The following EPHA8 variants were observed in gnomAD, a reference collection of about 807,000 sequenced individuals.
EPHA8 encodes ephrin type-A receptor 8.
Under a neutral mutation model 103.6 loss-of-function variants are expected in EPHA8, and 58 were observed. The ratio of observed to expected loss-of-function variants is 0.56; its 90% CI spans 0.45 to 0.70. The LOEUF is 0.70. EPHA8 is among the 30% of genes least tolerant of loss of function. The pLI is 0.00. For synonymous variants in EPHA8, 559 were observed against 572.5 expected (o/e 0.98, Z 0.34); for missense variants, 1,304 against 1,395.2 (o/e 0.93, Z 1.04).
rs199987810 is a variant in EPHA8 at position 22,576,517 on chromosome 1, T to C, written c.460T>C (p.Phe154Leu). ...CGACACCATTGCGGCCGACGAGAGCTTCACAGGTGCCGACCTTGGTGTGCG... is the reference window on the plus strand; with the variant it reads ...CGACACCATTGCGGCCGACGAGAGCCTCACAGGTGCCGACCTTGGTGTGCG... The part of the protein sequence containing the change: ...KIDTIAADES[F>L]TGADLGVRRL... Residue 154 changes from phenylalanine (F) to leucine (L), a missense_variant, in exon 3 of 17, where the codon TTC becomes CTC. Phe to Leu is a conservative substitution (Grantham distance 22). Coordinates refer to ENST00000166244, the MANE Select transcript of EPHA8 (RefSeq NM_020526.5). This position sits in a 1 kb window ranked among gnomAD's most constrained non-coding sequence, Gnocchi z 4.8. 15 of 1,614,128 alleles carry C rather than the reference T, an allele frequency of 9.3e-6. No homozygotes were observed. The Admixed American group carries it at 1.5e-4, about 16-fold the overall frequency.
intron 2 of EPHA8, among the ~76,000 whole-genome samples, chr1:22,573,749 A>C (rs1640607219): frequency 6.6e-6 from 1 of 152,190 alleles, no homozygotes; most frequent in African/African-American, 2.4e-5. Context: ...GCCAGTGCTC[A>C]GCAGCCGAGG....
intron 3 of EPHA8, among the ~76,000 whole-genome samples, chr1:22,585,496 C>G (rs1302300715): frequency 6.6e-6 from 1 of 152,200 alleles, no homozygotes; most frequent in South Asian, 2.1e-4. Context: ...TTTACCCTTC[C>G]ATCACCTTAG....
chr1:22,601,883 C>A lies in EPHA8; in HGVS notation c.*142C>A. 1 of 850,348 alleles carries A rather than the reference C, an allele frequency of 1.2e-6. No individual in the cohort carries two copies. The highest frequency in any genetic ancestry group is 1.8e-6 in the Non-Finnish European group (1 of 549,286). 52.7% of individuals were successfully genotyped at this position (850,348 alleles called of 1,614,324 possible). A position where few individuals can be genotyped will look rare whatever the true frequency, so the allele number is the denominator to read the frequency against. ...GTGCTGGAGGAGCTGAAGGCTTCGC[C>A]ACAGGACCTGGAGTTATCAGGGGTC... On this transcript the variant is annotated 3_prime_UTR_variant, in exon 17 of 17. Coordinates refer to ENST00000166244, the MANE Select transcript of EPHA8 (RefSeq NM_020526.5).
At chr1:22,591,637 A>T (rs1323660863) in intron 5 of EPHA8, among the ~76,000 whole-genome samples, 1 of 152,108 alleles carries the variant, frequency 6.6e-6, no homozygotes, top group Non-Finnish European at 1.5e-5. Flanking sequence ...CTGTGGACCC[A>T]CACAGCTTCA....
At position 22,593,573 on chromosome 1, in the gene EPHA8, C is replaced by T; in HGVS notation, c.1490C>T (p.Ala497Val). The change falls in exon 7 of 17, where the codon GCC (alanine) becomes GTC (valine). Residue 497 changes from alanine (A) to valine (V), a missense_variant. By Grantham distance (64) the Ala-to-Val change is moderately conservative. Coordinates refer to ENST00000166244, the MANE Select transcript of EPHA8 (RefSeq NM_020526.5). Reference protein sequence around the residue: ...YSTLKAVTTRATVSGLKPGTR... With the variant: ...YSTLKAVTTRVTVSGLKPGTR... Reference sequence around the variant, plus strand: ...ACCCTCAAGGCCGTCACCACCAGAGCCACCGTCTCCGGCCTCAAGCCGGGC... The same window carrying T: ...ACCCTCAAGGCCGTCACCACCAGAGTCACCGTCTCCGGCCTCAAGCCGGGC... 1 of 1,612,386 alleles carries T rather than the reference C, an allele frequency of 6.2e-7. No individual in the cohort carries two copies. Among genetic ancestry groups the T allele is most frequent in the Non-Finnish European group, 8.5e-7 (1 of 1,179,742 alleles).
chr1:22,600,961 C>T lies in EPHA8; in HGVS notation c.2602C>T (p.His868Tyr), dbSNP rs751041267. 1.2e-6 allele frequency: 2 copies of T among 1,612,890 alleles called. No individual in the cohort carries two copies. Among genetic ancestry groups the T allele is most frequent in the Admixed American group, 1.7e-5 (1 of 59,976 alleles). The change falls in exon 15 of 17, where the codon CAC becomes TAC. Residue 868 changes from histidine to tyrosine, a missense_variant. Coordinates refer to ENST00000166244, the MANE Select transcript of EPHA8 (RefSeq NM_020526.5). ...PAPMGCPHAL[H>Y]QLMLDCWHKD... is the part of the protein sequence containing the mutation. ...ACCCATGGGCTGCCCCCACGCCCTG[C>T]ACCAGCTCATGCTCGACTGTTGGCA...
At chr1:22,579,868 A>G (rs1278422708) in intron 3 of EPHA8, among the ~76,000 whole-genome samples, 1 of 152,176 alleles carries the variant, frequency 6.6e-6, no homozygotes, top group African/African-American at 2.4e-5. Flanking sequence ...GCTACTATAC[A>G]GGCCCTGGGG....
chr1:22,570,513 T>A (rs112873022), intron 2 of EPHA8, among the ~76,000 whole-genome samples: 1 of 151,862 alleles, frequency 6.6e-6, no homozygotes, highest in African/African-American at 2.4e-5. Context: ...ATATTAATAA[T>A]GATGATGATA....
intron 1 of EPHA8, among the ~76,000 whole-genome samples, chr1:22,564,956 C>A (rs1413014793): frequency 2.0e-5 from 3 of 152,148 alleles, no homozygotes; most frequent in Non-Finnish European, 2.9e-5. Context: ...CGAGGGCCCA[C>A]CCTACACACA....
At chr1:22,582,698 A>G (rs1299480572) in intron 3 of EPHA8, among the ~76,000 whole-genome samples, 1 of 151,826 alleles carries the variant, frequency 6.6e-6, no homozygotes, top group East Asian at 1.9e-4. Context: ...ACACTCCACA[A>G]CTCCGGATCC....
intron 3 of EPHA8, among the ~76,000 whole-genome samples, chr1:22,577,930 C>CAT (rs1557558675): frequency 2.3e-4 from 1 of 4,422 alleles, no homozygotes; most frequent in Non-Finnish European, 4.4e-4. Context: ...TGTATGTGTG[C>CAT]GTGAGTGTAT....
chr1:22,579,215 G>T (rs1263205802), intron 3 of EPHA8, among the ~76,000 whole-genome samples: 2 of 151,590 alleles, frequency 1.3e-5, no homozygotes, highest in Non-Finnish European at 2.9e-5. Flanking sequence ...GTGCATGTGT[G>T]TGTATGTATG....
chr1:22,585,644 G>C (rs901797979), intron 3 of EPHA8, among the ~76,000 whole-genome samples: 1 of 152,218 alleles, frequency 6.6e-6, no homozygotes, highest in Non-Finnish European at 1.5e-5. Context: ...GCATGATCAC[G>C]CAGGCAGCTG....
intron 3 of EPHA8, among the ~76,000 whole-genome samples, chr1:22,583,458 G>T (rs1366689795): frequency 1.3e-5 from 2 of 152,198 alleles, no homozygotes; most frequent in African/African-American, 4.8e-5. Context: ...AGGACGGGGG[G>T]AAAGGCCATA....
At chr1:22,590,701 G>A (rs1641348814) in intron 5 of EPHA8, among the ~76,000 whole-genome samples, 1 of 151,846 alleles carries the variant, frequency 6.6e-6, no homozygotes, top group Non-Finnish European at 1.5e-5. Flanking sequence ...TCTTTCCTGT[G>A]TGCCCAGATC....
At chr1:22,578,870 CGT>C (rs1379940541) in intron 3 of EPHA8, among the ~76,000 whole-genome samples, 2 of 123,854 alleles carry the variant, frequency 1.6e-5, no homozygotes, top group East Asian at 4.9e-4. Flanking sequence ...TGTATATGCA[CGT>C]GTCCGTGTGT....
chr1:22,578,380 ATATG>A (rs1338647070), intron 3 of EPHA8, among the ~76,000 whole-genome samples: 6 of 108,930 alleles, frequency 5.5e-5, no homozygotes, highest in South Asian at 3.4e-4. Flanking sequence ...GTGCTTTAGT[ATATG>A]TATGCATGTC....
At chr1:22,570,211 A>T (rs542459685) in intron 2 of EPHA8, among the ~76,000 whole-genome samples, 4 of 152,298 alleles carry the variant, frequency 2.6e-5, no homozygotes, top group Non-Finnish European at 5.9e-5. Context: ...CTGTCACATG[A>T]ACTTCCTCTC....
chr1:22,578,826 T>C (rs1325742526), intron 3 of EPHA8, among the ~76,000 whole-genome samples: 1 of 151,382 alleles, frequency 6.6e-6, no homozygotes, highest in Non-Finnish European at 1.5e-5. Context: ...TACATGTGCA[T>C]GCCTGTGTGT....
Sources: gnomAD v4.1 joint callset for allele counts (sites outside exome capture counted in the v4.1 genomes callset) on GRCh38, gnomAD v4.1.1 for gene constraint, Gnocchi (gnomAD v3.1) non-coding constraint, MANE v1.5 for transcripts, NCBI Gene and HGNC (gene_info 2026-07-23, HGNC 2026-07-21) for gene names.